Variants in PAPPA2 observed in about 807,000 individuals in gnomAD.
PAPPA2 encodes the protein pappalysin-2.
In PAPPA2, 86 loss-of-function variants were observed where a neutral mutation model predicts 176.4. The ratio of observed to expected loss-of-function variants is 0.49; its 90% confidence interval spans 0.41 to 0.58. The LOEUF is 0.58. PAPPA2 is among the 20% of genes least tolerant of loss of function. The pLI is 0.00. For missense variants in PAPPA2, 2,073 were observed against 2,256.9 expected (o/e 0.92, Z 1.65); for synonymous variants, 809 against 852.2 (o/e 0.95, Z 0.88).
chr1:176,563,621 T>G (rs1055226346), intron 2 of PAPPA2, among the ~76,000 whole-genome samples: 1 of 152,178 alleles, frequency 6.6e-6, no homozygotes, highest in African/African-American at 2.4e-5. Flanking sequence ...TCTGGCCCTT[T>G]GTAGAAAGTT....
chr1:176,606,751 C>G (rs1654635424), intron 3 of PAPPA2, among the ~76,000 whole-genome samples: 2 of 152,188 alleles, frequency 1.3e-5, no homozygotes, highest in African/African-American at 4.8e-5. Context: ...TCATGAGCCA[C>G]CATGCCTGGC....
intron 1 of PAPPA2, among the ~76,000 whole-genome samples, chr1:176,498,471 C>T (rs1364619196): frequency 9.2e-5 from 14 of 152,168 alleles, no homozygotes; most frequent in South Asian, 2.1e-4. Flanking sequence ...TGAAGCTGGC[C>T]GGGCACGGTG....
intron 1 of PAPPA2, among the ~76,000 whole-genome samples, chr1:176,551,600 T>C (rs1650953090): frequency 1.3e-5 from 2 of 152,176 alleles, no homozygotes; most frequent in Admixed American, 1.3e-4. Context: ...GCAAAGACTC[T>C]TAATAATAAT....
At chr1:176,764,174 C>T (rs543864627) in intron 14 of PAPPA2, among the ~76,000 whole-genome samples, 3 of 152,284 alleles carry the variant, frequency 2.0e-5, no homozygotes, top group South Asian at 2.1e-4. Context: ...CAAACACCTT[C>T]CACTAGGCCC....
chr1:176,759,193 G>C (rs973832450), intron 14 of PAPPA2, among the ~76,000 whole-genome samples: 4 of 152,230 alleles, frequency 2.6e-5, no homozygotes, highest in African/African-American at 9.6e-5. Flanking sequence ...CTTTAGAGAA[G>C]TTTATGAGCT....
At chr1:176,554,140 G>A (rs906936681) in intron 1 of PAPPA2, among the ~76,000 whole-genome samples, 8 of 152,144 alleles carry the variant, frequency 5.3e-5, no homozygotes, top group Non-Finnish European at 1.2e-4. Flanking sequence ...AGGACATGCT[G>A]GGGATGAGGT....
At chr1:176,735,185 G>A (rs559055887) in intron 12 of PAPPA2, among the ~76,000 whole-genome samples, 5 of 152,124 alleles carry the variant, frequency 3.3e-5, no homozygotes, top group Admixed American at 6.6e-5. Context: ...CACAATGAGC[G>A]CAGTGGACCC....
chr1:176,655,592 A>G (rs973063212), intron 3 of PAPPA2, among the ~76,000 whole-genome samples: 1 of 151,904 alleles, frequency 6.6e-6, no homozygotes, highest in South Asian at 2.1e-4. Context: ...TACACCAGTC[A>G]GAATGGCATC....
chr1:176,532,195 A>G (rs931860643), intron 1 of PAPPA2, among the ~76,000 whole-genome samples: 10 of 152,278 alleles, frequency 6.6e-5, no homozygotes, highest in Middle Eastern at 3.4e-3. Context: ...GCTGACCTCT[A>G]TTTAATTTTC....
At chr1:176,482,079 T>C (rs1037818243) in intron 1 of PAPPA2, among the ~76,000 whole-genome samples, 3 of 152,200 alleles carry the variant, frequency 2.0e-5, no homozygotes, top group African/African-American at 7.2e-5. Flanking sequence ...CAAAGAGTTT[T>C]TCTAATTCCT....
At chr1:176,828,890 C>T (rs9728891) in intron 21 of PAPPA2, among the ~76,000 whole-genome samples, 13,068 of 152,014 alleles carry the variant, frequency 0.086, 610 homozygotes, top group African/African-American at 0.11. Context: ...GTATTCCCAA[C>T]TACTTGGGAG....
chr1:176,691,420 G>A (rs183072309), intron 5 of PAPPA2, among the ~76,000 whole-genome samples: 35 of 152,298 alleles, frequency 2.3e-4, no homozygotes, highest in Admixed American at 1.6e-3. Flanking sequence ...AGATGTGTAA[G>A]CACCAGCACC....
At chr1:176,614,202 A>T (rs1337781511) in intron 3 of PAPPA2, among the ~76,000 whole-genome samples, 1 of 151,808 alleles carries the variant, frequency 6.6e-6, no homozygotes, top group Non-Finnish European at 1.5e-5. Context: ...GAATGAAAGG[A>T]GGCACTTTGT....
At chr1:176,731,224 T>G (rs959815656) in intron 12 of PAPPA2, among the ~76,000 whole-genome samples, 1 of 152,114 alleles carries the variant, frequency 6.6e-6, no homozygotes, top group Non-Finnish European at 1.5e-5. Context: ...TATTGTGAAT[T>G]TTTTAAGTTG....
At chr1:176,787,718 G>C (rs41459046) in intron 17 of PAPPA2, among the ~76,000 whole-genome samples, 62,875 of 152,004 alleles carry the variant, frequency 0.41, 14,417 homozygotes, top group African/African-American at 0.6. Flanking sequence ...AGGTCTTCGA[G>C]AAATTACTTA....
intron 3 of PAPPA2, among the ~76,000 whole-genome samples, chr1:176,603,657 C>T (rs1342685759): frequency 6.6e-6 from 1 of 152,192 alleles, no homozygotes; most frequent in African/African-American, 2.4e-5. Flanking sequence ...CACATTCCTC[C>T]TTCTTGGAAG....
intron 14 of PAPPA2, among the ~76,000 whole-genome samples, chr1:176,765,394 C>T (rs140523728): frequency 3.3e-5 from 5 of 152,304 alleles, no homozygotes; most frequent in African/African-American, 1.2e-4. Context: ...CTCTCAGAAT[C>T]TGTTCTCCAC....
intron 14 of PAPPA2, among the ~76,000 whole-genome samples, chr1:176,750,981 G>A (rs1004422034): frequency 2.6e-5 from 4 of 152,006 alleles, no homozygotes; most frequent in African/African-American, 7.2e-5. Context: ...TAGGTCTAAC[G>A]TTTAAATCTT....
chr1:176,603,448 G>A (rs1654437294), intron 3 of PAPPA2, among the ~76,000 whole-genome samples: 1 of 152,162 alleles, frequency 6.6e-6, no homozygotes, highest in Non-Finnish European at 1.5e-5. Flanking sequence ...GGGACATGTA[G>A]TTAGGGTGGC....
Sources: gnomAD v4.1 joint callset for allele counts (sites outside exome capture counted in the v4.1 genomes callset) on GRCh38, gnomAD v4.1.1 for gene constraint, MANE v1.5 for transcripts, NCBI Gene and HGNC (gene_info 2026-07-23, HGNC 2026-07-21) for gene names.